The following AP3B1 variants were observed in gnomAD, a reference collection of about 807,000 sequenced individuals.
The protein encoded by AP3B1 is adaptor related protein complex 3 subunit beta 1.
Under a neutral mutation model 132.5 loss-of-function variants are expected in AP3B1, and 61 were observed. The observed-to-expected ratio is 0.46, with a 90% CI of 0.37 to 0.57. The LOEUF is 0.57. Ranked by LOEUF, AP3B1 falls within the 20% of genes least tolerant of loss-of-function variation. AP3B1 has a pLI of 0.00. For synonymous variants in AP3B1, 388 were observed against 438.3 expected, an observed-to-expected ratio of 0.89 and a Z score of 1.43; for missense variants, 1,120 against 1,289.4, an observed-to-expected ratio of 0.87 and a Z score of 2.01.
intron 21 of AP3B1, among the ~76,000 whole-genome samples, chr5:78,093,901 T>C (rs1485067022): frequency 2.0e-5 from 3 of 152,248 alleles, no homozygotes; most frequent in Non-Finnish European, 2.9e-5. Context: ...ATGTCACAAC[T>C]AGTGAGTAAC....
intron 1 of AP3B1, among the ~76,000 whole-genome samples, chr5:78,284,019 T>A (rs1661466850): frequency 6.6e-6 from 1 of 152,168 alleles, no homozygotes; most frequent in African/African-American, 2.4e-5. Flanking sequence ...CCACACTGAA[T>A]TGTTTCCTGT....
Position 78,035,015 on chromosome 5 carries a change from CT to C in AP3B1, c.2810-571del, listed in dbSNP as rs372371184. The stretch of plus-strand genomic sequence containing the variant: ...ATGTTAAGTCTAATTGCATTAAATA[CT>C]CAAAAAAATTTGTGGCAGATTAGAT... On this transcript the variant is annotated intron_variant, in intron 23 of 26. Transcript: ENST00000255194. Among the ~76,000 whole-genome samples the C allele has an allele frequency of 4.2e-4, 64 of 151,896 alleles. 1 individual carries two copies. In the East Asian group the frequency reaches 9.6e-3, roughly 23 times the overall value.
chr5:78,096,183 G>T (rs931237602), intron 21 of AP3B1, among the ~76,000 whole-genome samples: 1 of 152,310 alleles, frequency 6.6e-6, no homozygotes, highest in East Asian at 1.9e-4. Flanking sequence ...GCTGGTTTTC[G>T]TATTTTTTTG....
At chr5:78,048,229 A>G (rs1278011121) in intron 22 of AP3B1, among the ~76,000 whole-genome samples, 1 of 152,244 alleles carries the variant, frequency 6.6e-6, no homozygotes, top group Non-Finnish European at 1.5e-5. Flanking sequence ...AGCCGACAAC[A>G]AAGTGTTGAG....
intron 18 of AP3B1, among the ~76,000 whole-genome samples, chr5:78,114,326 G>A (rs1751728851): frequency 6.6e-6 from 1 of 152,032 alleles, no homozygotes; most frequent in Admixed American, 6.6e-5. Flanking sequence ...TCTATTTAGA[G>A]TAAAAGAAGG....
intron 21 of AP3B1, among the ~76,000 whole-genome samples, chr5:78,097,905 T>A (rs1341037100): frequency 1.3e-5 from 2 of 152,172 alleles, no homozygotes; most frequent in Non-Finnish European, 2.9e-5. Context: ...GAGGTAGACA[T>A]GGGAGACTTT....
At chr5:78,120,845 A>G (rs1274719272) in intron 17 of AP3B1, among the ~76,000 whole-genome samples, 4 of 152,242 alleles carry the variant, frequency 2.6e-5, no homozygotes. Context: ...AAGCAGACCT[A>G]ATAGACATCT....
intron 1 of AP3B1, among the ~76,000 whole-genome samples, chr5:78,286,759 A>C (rs1429366302): frequency 2.0e-5 from 3 of 152,192 alleles, no homozygotes; most frequent in African/African-American, 7.2e-5. Flanking sequence ...TCCTATCAGC[A>C]ATATAAATAA....
intron 1 of AP3B1, among the ~76,000 whole-genome samples, chr5:78,287,368 T>C (rs1449755557): frequency 6.6e-6 from 1 of 152,156 alleles, no homozygotes; most frequent in East Asian, 1.9e-4. Flanking sequence ...TTCAAGGAGA[T>C]ATGCAAGCAA....
intron 14 of AP3B1, among the ~76,000 whole-genome samples, chr5:78,149,071 A>G (rs1350550197): frequency 1.3e-5 from 2 of 152,196 alleles, no homozygotes; most frequent in Non-Finnish European, 1.5e-5. Context: ...GACATTGATC[A>G]TGTCACTCTA....
chr5:78,181,162 T>A (rs1744352063), intron 8 of AP3B1, among the ~76,000 whole-genome samples: 1 of 152,024 alleles, frequency 6.6e-6, no homozygotes, highest in South Asian at 2.1e-4. Context: ...TCCAACCAAT[T>A]GAGAAACAAC....
intron 21 of AP3B1, among the ~76,000 whole-genome samples, chr5:78,090,929 T>C (rs1750481938): frequency 6.7e-6 from 1 of 149,280 alleles, no homozygotes; most frequent in Non-Finnish European, 1.5e-5. Flanking sequence ...CATGCCACCA[T>C]ACCCAGCCTT....
In AP3B1 at chr5:78,137,889, C is replaced by A. The variant is rs1380216910; in HGVS notation, c.1650+3254G>T. On this transcript the variant is annotated intron_variant, in intron 15 of 26. Transcript: ENST00000255194. ...AAATCAATTTAGACATTCTCTATAA[C>A]CCTAAATAATTCAATAAAAATTATA... is the stretch of plus-strand genomic sequence containing the variant. Among the ~76,000 whole-genome samples the A allele has an allele frequency of 1.7e-4, 26 of 151,982 alleles. 1 individual carries two copies. Among genetic ancestry groups the A allele is most frequent in the Admixed American group, 1.6e-3 (24 of 15,250 alleles).
chr5:78,053,678 CAA>C (rs1166305470), intron 22 of AP3B1, among the ~76,000 whole-genome samples: 5 of 75,568 alleles, frequency 6.6e-5, no homozygotes, highest in African/African-American at 1.8e-4. Context: ...GACTCCATCT[CAA>C]AAAAAAAAAA....
chr5:78,005,800 C>A (rs555775918), intron 26 of AP3B1, among the ~76,000 whole-genome samples: 2 of 152,274 alleles, frequency 1.3e-5, no homozygotes, highest in East Asian at 3.9e-4. Context: ...AAGGCAAAAA[C>A]CACTACCCCA....
intron 7 of AP3B1, among the ~76,000 whole-genome samples, chr5:78,201,842 C>G (rs959826343): frequency 1.3e-5 from 2 of 152,022 alleles, no homozygotes; most frequent in South Asian, 4.1e-4. Flanking sequence ...CCTCCTCTCC[C>G]CAGAAAAAAT....
At chr5:78,248,215 G>A (rs765391078) in intron 2 of AP3B1, among the ~76,000 whole-genome samples, 1 of 151,968 alleles carries the variant, frequency 6.6e-6, no homozygotes, top group Non-Finnish European at 1.5e-5. Flanking sequence ...AAACAGGCAG[G>A]GCACAGTGGC....
chr5:78,158,422 T>TA, intron 13 of AP3B1, among the ~76,000 whole-genome samples: 1 of 151,990 alleles, frequency 6.6e-6, no homozygotes, highest in East Asian at 1.9e-4. Context: ...CACAACACTA[T>TA]ACTCCAGCCT....
intron 6 of AP3B1, among the ~76,000 whole-genome samples, chr5:78,218,381 G>T (rs966981357): frequency 6.6e-6 from 1 of 151,986 alleles, no homozygotes; most frequent in African/African-American, 2.4e-5. Flanking sequence ...AACAAAACCA[G>T]CAATGAGCTC....
Sources: allele counts gnomAD v4.1 joint callset (sites outside exome capture counted in the v4.1 genomes callset), GRCh38; gene constraint gnomAD v4.1.1; transcripts MANE v1.5; gene names NCBI Gene and HGNC (gene_info 2026-07-23, HGNC 2026-07-21).